Variants in PILRA observed in about 807,000 individuals in gnomAD.
The protein encoded by PILRA is paired immunoglobin like type 2 receptor alpha.
PILRA carries 37 observed loss-of-function variants against 33.1 expected under a neutral mutation model. The ratio of observed to expected loss-of-function variants is 1.12; its 90% CI spans 0.86 to 1.47. The LOEUF is 1.47. PILRA is among the 40% of genes most tolerant of loss of function. The probability of loss-of-function intolerance (pLI) is 0.00; values close to 1 mark genes in which losing one functional copy is unlikely to be tolerated. For synonymous variants in PILRA, 146 were observed against 149.9 expected, an observed-to-expected ratio of 0.97 and a Z score of 0.19; for missense variants, 312 against 376.2, an observed-to-expected ratio of 0.83 and a Z score of 1.41.
chr7:100,399,844 T>A lies in PILRA; in HGVS notation c.849T>A (p.Pro283=). The A allele has an allele frequency of 6.2e-7, 1 of 1,613,652 alleles. No individual in the cohort carries two copies. The highest frequency in any genetic ancestry group is 8.5e-7 in the Non-Finnish European group (1 of 1,179,812). The change falls in exon 7 of 7, where the codon CCT becomes CCA. Residue 283 remains proline, a synonymous_variant. Coordinates refer to ENST00000198536, the MANE Select transcript of PILRA (RefSeq NM_013439.3). ...CCAGCTCCACCTCACCCAGAGCACC[T>A]CCCAGCCACCGTCCCCTCAAGAGCC... ...ALSSSTSPRA[P]PSHRPLKSPQ...
intron 2 of PILRA, 25 bp downstream of exon 2, chr7:100,374,458 G>A (rs578108899): frequency 2.0e-5 from 33 of 1,612,802 alleles, no homozygotes; most frequent in Non-Finnish European, 2.5e-5. Flanking sequence ...CCTGGCACCC[G>A]CTTTGCCCAC....
intron 2 of PILRA, 153 bp downstream of exon 2, chr7:100,374,586 C>G: frequency 1.2e-6 from 1 of 825,334 alleles, no homozygotes; most frequent in Non-Finnish European, 2.0e-6. Context: ...CCTTTGCCAC[C>G]TCTCCCCTTT....
At chr7:100,391,381 A>AT (rs1458984597) in intron 3 of PILRA, among the ~76,000 whole-genome samples, 2 of 151,780 alleles carry the variant, frequency 1.3e-5, no homozygotes, top group African/African-American at 2.4e-5. Context: ...TTTAAAAAAA[A>AT]TTTTTTATAA....
intron 3 of PILRA, among the ~76,000 whole-genome samples, chr7:100,392,041 G>A (rs1000469471): frequency 1.3e-5 from 2 of 152,156 alleles, no homozygotes; most frequent in Non-Finnish European, 2.9e-5. Context: ...GATGGCTCCC[G>A]CTCACGCCTG....
chr7:100,373,902 G>A (rs1437963951), intron 1 of PILRA, 142 bp from the exon 2 acceptor site: 1 of 1,247,626 alleles, frequency 8.0e-7, no homozygotes. Context: ...CCTGAAGAGT[G>A]GGAGACCCAG....
intron 4 of PILRA, 53 bp from the exon 5 acceptor site, chr7:100,399,238 G>A: frequency 7.3e-7 from 1 of 1,379,308 alleles, no homozygotes. Context: ...CCCAGCCCAT[G>A]TCTTAAAATG....
chr7:100,396,038 C>T (rs1229179281), intron 3 of PILRA, among the ~76,000 whole-genome samples: 1 of 152,082 alleles, frequency 6.6e-6, no homozygotes, highest in Non-Finnish European at 1.5e-5. Context: ...GCAGGAGAAT[C>T]ACTTGAACCC....
chr7:100,373,075 C>T (rs964490141), upstream of PILRA, among the ~76,000 whole-genome samples: 2 of 151,952 alleles, frequency 1.3e-5, no homozygotes, highest in African/African-American at 4.8e-5. Flanking sequence ...CATGGGAGCC[C>T]CTGCCAGGGA....
At position 100,399,874 on chromosome 7, in the gene PILRA, G is replaced by A; in HGVS notation, c.879G>A (p.Gln293=). The part of the protein sequence containing the change: ...PPSHRPLKSP[Q]NETLYSVLKA ...GCCACCGTCCCCTCAAGAGCCCCCA[G>A]AACGAGACCCTGTACTCTGTCTTAA... is the stretch of plus-strand genomic sequence containing the variant. The change falls in exon 7 of 7, where the codon CAG becomes CAA. Residue 293 remains glutamine (Q), a synonymous_variant. Coordinates refer to ENST00000198536, the MANE Select transcript of PILRA (RefSeq NM_013439.3). 1.9e-6 allele frequency: 3 copies of A among 1,613,114 alleles called. No homozygotes were observed. In the South Asian group the frequency reaches 3.3e-5, roughly 18 times the overall value.
chr7:100,397,647 G>A (rs1249514925), intron 3 of PILRA, among the ~76,000 whole-genome samples: 1 of 152,140 alleles, frequency 6.6e-6, no homozygotes, highest in Non-Finnish European at 1.5e-5. Flanking sequence ...AACCAAGGGA[G>A]GGGGTCAGGG....
intron 2 of PILRA, among the ~76,000 whole-genome samples, chr7:100,385,111 A>C (rs1791226193): frequency 6.6e-6 from 1 of 152,232 alleles, no homozygotes; most frequent in Non-Finnish European, 1.5e-5. Context: ...TACCATCTAA[A>C]ACAAGCAAAT....
chr7:100,399,709 A>G, intron 6 of PILRA, 76 bp from the exon 7 acceptor site: 1 of 1,612,196 alleles, frequency 6.2e-7, no homozygotes. Context: ...AGGAGAGTCA[A>G]ACTGTAGGCT....
chr7:100,399,980 C>G lies in PILRA; in HGVS notation c.*73C>G, dbSNP rs1362955385. 3 of 1,427,612 alleles carry G rather than the reference C, an allele frequency of 2.1e-6. No homozygotes were observed. The highest frequency in any genetic ancestry group is 5.0e-5 in the Admixed American group (2 of 39,962). The allele number at this position is 1,427,612 out of a possible 1,614,324, so 88.4% of individuals were successfully genotyped here. A position where few individuals can be genotyped will look rare whatever the true frequency, so the allele number is the denominator to read the frequency against. ...GCGCACACCTGTAATCCCAGCTACT[C>G]TGAAGCCTGAGGCAGAATCAAGTGA... is the stretch of plus-strand genomic sequence containing the variant. On this transcript the variant is annotated 3_prime_UTR_variant, in exon 7 of 7. Transcript: ENST00000198536.
chr7:100,373,573 AC>A lies in PILRA; in HGVS notation c.-79del, dbSNP rs1790864854. The A allele has an allele frequency of 7.9e-6, 12 of 1,513,452 alleles. No homozygotes were observed. The highest frequency in any genetic ancestry group is 1.0e-5 in the Non-Finnish European group (11 of 1,094,714). 93.8% of individuals were successfully genotyped at this position (1,513,452 alleles called of 1,614,324 possible). On this transcript the variant is annotated 5_prime_UTR_variant, in exon 1 of 7. Transcript: ENST00000198536. ...AGCCCGGCTCTCCTCACTCACCTCAACCCCCAGGCGGCCCCTCCACAGGGCC... is the reference window on the plus strand; with the variant it reads ...AGCCCGGCTCTCCTCACTCACCTCAACCCCAGGCGGCCCCTCCACAGGGCC...
chr7:100,372,685 G>C (rs1396766783), upstream of PILRA, among the ~76,000 whole-genome samples: 1 of 152,216 alleles, frequency 6.6e-6, no homozygotes, highest in African/African-American at 2.4e-5. Flanking sequence ...GGTGTGTGGA[G>C]GGAATGACCT....
intron 3 of PILRA, among the ~76,000 whole-genome samples, chr7:100,397,612 G>A (rs1463062750): frequency 6.6e-6 from 1 of 152,098 alleles, no homozygotes; most frequent in Non-Finnish European, 1.5e-5. Context: ...GGTTGGGGCT[G>A]AGCAGAGAGC....
At chr7:100,391,337 G>A (rs1012739883) in intron 3 of PILRA, among the ~76,000 whole-genome samples, 19 of 151,250 alleles carry the variant, frequency 1.3e-4, no homozygotes, top group African/African-American at 4.1e-4. Context: ...CCTGGGAGAC[G>A]GAGCAAACTA....
At chr7:100,371,882 G>C (rs1790822622), upstream of PILRA, among the ~76,000 whole-genome samples, 3 of 152,180 alleles carry the variant, frequency 2.0e-5, no homozygotes, top group South Asian at 6.2e-4. Context: ...GCTGGATCCA[G>C]GGCCTGAAAG....
At chr7:100,377,864 C>T (rs1382335849) in intron 2 of PILRA, among the ~76,000 whole-genome samples, 1 of 152,120 alleles carries the variant, frequency 6.6e-6, no homozygotes, top group East Asian at 1.9e-4. Context: ...GCATTTTTAT[C>T]TGCTTCTCTA....
Sources: allele counts gnomAD v4.1 joint callset (sites outside exome capture counted in the v4.1 genomes callset), GRCh38; gene constraint gnomAD v4.1.1; transcripts MANE v1.5; gene names NCBI Gene and HGNC (gene_info 2026-07-23, HGNC 2026-07-21).